The following NCR2 variants were observed in gnomAD, a reference collection of about 807,000 sequenced individuals.
The protein encoded by NCR2 is natural cytotoxicity triggering receptor 2.
Under a neutral mutation model 30.7 loss-of-function variants are expected in NCR2, and 35 were observed. The ratio of observed to expected loss-of-function variants is 1.14; its 90% confidence interval spans 0.87 to 1.51. The LOEUF is 1.51. Ranked by LOEUF, NCR2 falls within the 40% of genes most tolerant of loss-of-function variation. NCR2 has a pLI of 0.00. For missense variants in NCR2, 316 were observed against 328.9 expected (o/e 0.96, Z 0.30); for synonymous variants, 146 against 134.8 (o/e 1.08, Z -0.58).
At chr6:41,341,124 C>T (rs1477315689) in intron 2 of NCR2, among the ~76,000 whole-genome samples, 3 of 152,196 alleles carry the variant, frequency 2.0e-5, no homozygotes, top group African/African-American at 4.8e-5. Context: ...CTTCGCCACC[C>T]CACCACCCGC....
chr6:41,342,999 C>G, intron 4 of NCR2: 1 of 1,550,628 alleles, frequency 6.4e-7, no homozygotes. Flanking sequence ...CCCATAGACA[C>G]TTCCCACTGA....
intron 2 of NCR2, among the ~76,000 whole-genome samples, chr6:41,341,331 G>C (rs1309758577): frequency 6.6e-6 from 1 of 152,142 alleles, no homozygotes; most frequent in East Asian, 1.9e-4. Context: ...AGGCTGCTGA[G>C]ACTTGGGGTC....
chr6:41,337,363 G>A (rs1769058519), intron 2 of NCR2, among the ~76,000 whole-genome samples: 1 of 152,182 alleles, frequency 6.6e-6, no homozygotes, highest in Non-Finnish European at 1.5e-5. Flanking sequence ...GTGCCTAAAG[G>A]TGATTGATGT....
chr6:41,336,456 G>A (rs541185548), intron 2 of NCR2, 28 bp downstream of exon 2: 8 of 1,582,802 alleles, frequency 5.1e-6, no homozygotes, highest in Non-Finnish European at 6.9e-6. Flanking sequence ...GGTCCTCAGA[G>A]GGGTGCCCCT....
At position 41,335,910 on chromosome 6, in the gene NCR2, C is replaced by T; in HGVS notation, c.34C>T (p.Leu12=). ...GCGAGCCCTACACCCACTGCTACTG[C>T]TGCTGCTGCTGTTCCCAGGTGAGGG... The part of the protein sequence containing the change: ...AWRALHPLLL[L]LLLFPGSQAQ... The change falls in exon 1 of 5, where the codon CTG becomes TTG. Residue 12 remains leucine, a synonymous_variant. Transcript: ENST00000373089. 6.4e-7 allele frequency: 1 copy of T among 1,570,910 alleles called. No homozygotes were observed.
intron 4 of NCR2, among the ~76,000 whole-genome samples, chr6:41,348,777 C>T (rs925983038): frequency 5.3e-5 from 8 of 152,002 alleles, no homozygotes; most frequent in African/African-American, 1.9e-4. Context: ...GACTGTCATT[C>T]TCTTAAAAAA....
Position 41,343,685 on chromosome 6 carries a change from T to C in NCR2, c.644+1536T>C, listed in dbSNP as rs72863545. ...CAAAAAGAAATTGGTCATTTCAAAGTTACCTTCTTGGTAAAAGGTTAAAGC... is the reference window on the plus strand; with the variant it reads ...CAAAAAGAAATTGGTCATTTCAAAGCTACCTTCTTGGTAAAAGGTTAAAGC... On this transcript the variant is annotated intron_variant, in intron 4 of 4. Transcript: ENST00000373089. Among the ~76,000 whole-genome samples, 987 of 152,296 alleles carry C rather than the reference T, an allele frequency of 6.5e-3. 6 individuals are homozygous for C. Among genetic ancestry groups the C allele is most frequent in the Middle Eastern group, 0.01 (3 of 294 alleles).
intron 4 of NCR2, among the ~76,000 whole-genome samples, chr6:41,348,703 CA>C (rs1429763269): frequency 6.6e-6 from 1 of 152,056 alleles, no homozygotes; most frequent in Non-Finnish European, 1.5e-5. Context: ...TTGGGGGATA[CA>C]AAGTGAGATC....
At chr6:41,345,647 A>G (rs1769282447) in intron 4 of NCR2, among the ~76,000 whole-genome samples, 1 of 151,804 alleles carries the variant, frequency 6.6e-6, no homozygotes, top group Non-Finnish European at 1.5e-5. Flanking sequence ...TTGGTGCCTT[A>G]TTATATCCCT....
In NCR2 at chr6:41,342,016, C is replaced by T. The variant is rs752946882; in HGVS notation, c.531-20C>T. The T allele has an allele frequency of 1.9e-6, 3 of 1,613,796 alleles. No homozygotes were observed. Among genetic ancestry groups the T allele is most frequent in the Non-Finnish European group, 1.7e-6 (2 of 1,179,946 alleles). On this transcript the variant is annotated intron_variant, in intron 3 of 4. Coordinates refer to ENST00000373089, the MANE Select transcript of NCR2 (RefSeq NM_004828.4). ...CCTCCCCAGCCCGTCCTCTCCCCTT[C>T]CTGTCCCTCTGCCTTCCAGGCCACA...
intron 4 of NCR2, among the ~76,000 whole-genome samples, chr6:41,343,521 A>G (rs777865541): frequency 1.3e-4 from 20 of 152,194 alleles, no homozygotes; most frequent in Admixed American, 3.9e-4. Context: ...GACAAAATAA[A>G]TTTAACAGAG....
At chr6:41,346,363 A>C (rs1581665126) in intron 4 of NCR2, among the ~76,000 whole-genome samples, 9 of 147,040 alleles carry the variant, frequency 6.1e-5, no homozygotes, top group Admixed American at 1.4e-4. Flanking sequence ...CATTCCCACC[A>C]CCCCCTACCT....
chr6:41,350,680 G>A lies in NCR2; in HGVS notation c.647G>A (p.Gly216Glu). Residue 216 changes from glycine to glutamate, a missense_variant and splice_region_variant, in exon 5 of 5, where the codon GGG becomes GAG. Transcript: ENST00000373089. ...LVLSALLVWW[G>E]DIWWKTMMEL... ...CTGGTTTCCTGCTCTGATTGCAGGGGGGACATATGGTGGAAAACCATGATG... is the reference window on the plus strand; with the variant it reads ...CTGGTTTCCTGCTCTGATTGCAGGGAGGACATATGGTGGAAAACCATGATG... The A allele has an allele frequency of 6.2e-7, 1 of 1,612,548 alleles. No homozygotes were observed.
At chr6:41,335,977 G>A in intron 1 of NCR2, 49 bp downstream of exon 1, 1 of 1,578,312 alleles carries the variant, frequency 6.3e-7, no homozygotes. Flanking sequence ...GTGTGGTGGG[G>A]ACTGTCAGGA....
At chr6:41,350,266 C>A (rs954472875) in intron 4 of NCR2, among the ~76,000 whole-genome samples, 1 of 152,138 alleles carries the variant, frequency 6.6e-6, no homozygotes, top group African/African-American at 2.4e-5. Flanking sequence ...GAACACCCAA[C>A]AAAGGCTGAG....
In NCR2 at chr6:41,342,051, G is replaced by A. The variant is rs146852353; in HGVS notation, c.546G>A (p.Thr182=). The stretch of plus-strand genomic sequence containing the variant: ...TGCCTTCCAGGCCACAGAACTCCAC[G>A]CTCCGCCCTGGCCCTGCAGCCCCCA... The part of the protein sequence containing the change: ...IPVPSQPQNS[T]LRPGPAAPIA... Residue 182 remains threonine, a synonymous_variant, in exon 4 of 5, where the codon ACG becomes ACA. Transcript: ENST00000373089. The A allele has an allele frequency of 4.0e-5, 65 of 1,613,726 alleles. No homozygotes were observed. Among genetic ancestry groups the A allele is most frequent in the South Asian group, 1.9e-4 (17 of 91,080 alleles).
intron 4 of NCR2, among the ~76,000 whole-genome samples, chr6:41,350,153 C>T (rs1769394434): frequency 6.6e-6 from 1 of 152,168 alleles, no homozygotes; most frequent in African/African-American, 2.4e-5. Flanking sequence ...GTCTCTACCC[C>T]GAGTCTTCTT....
intron 4 of NCR2, among the ~76,000 whole-genome samples, chr6:41,347,107 T>C (rs923009): frequency 0.81 from 123,186 of 152,054 alleles, 49,968 homozygotes; most frequent in Middle Eastern, 0.88. Flanking sequence ...CCCAGCTACT[T>C]GGGAGGCTGA....
At position 41,341,948 on chromosome 6, in the gene NCR2, G is replaced by A. The variant is rs186336345; in HGVS notation, c.530+19G>A. 8.7e-5 allele frequency: 140 copies of A among 1,612,602 alleles called. No individual in the cohort carries two copies. In the African/African-American group the frequency reaches 1.2e-3, roughly 14 times the overall value. The stretch of plus-strand genomic sequence containing the variant: ...CTTCACAGTGAGTTTCGGGGTGCCC[G>A]TAGCCACACAGGCCTGGGCGGGGGC... On this transcript the variant is annotated intron_variant, in intron 3 of 4. Transcript: ENST00000373089.
Sources: gnomAD v4.1 joint callset for allele counts (sites outside exome capture counted in the v4.1 genomes callset) on GRCh38, gnomAD v4.1.1 for gene constraint, MANE v1.5 for transcripts, NCBI Gene and HGNC (gene_info 2026-07-23, HGNC 2026-07-21) for gene names.